CPA6: variants seen among roughly 807,000 people sequenced by gnomAD.
The protein encoded by CPA6 is carboxypeptidase B.
A neutral mutation model predicts 63.3 loss-of-function variants in CPA6; 58 were observed. The ratio of observed to expected loss-of-function variants is 0.92; its 90% CI spans 0.74 to 1.14. The LOEUF (loss-of-function observed/expected upper bound fraction) is 1.14. Ranked by LOEUF, CPA6 falls within the 50% of genes most tolerant of loss-of-function variation. The probability of loss-of-function intolerance (pLI) is 0.00; values close to 1 mark genes in which losing one functional copy is unlikely to be tolerated. For missense variants in CPA6, 565 were observed against 526.6 expected (o/e 1.07, Z -0.71); for synonymous variants, 185 against 179.0 (o/e 1.03, Z -0.27).
chr8:67,695,889 A>G (rs1052721299), intron 1 of CPA6, among the ~76,000 whole-genome samples: 2 of 152,118 alleles, frequency 1.3e-5, no homozygotes, highest in African/African-American at 4.8e-5. Context: ...CACTAGCAAA[A>G]TATTTGCTTC....
intron 8 of CPA6, among the ~76,000 whole-genome samples, chr8:67,462,663 C>T (rs1286409687): frequency 6.6e-6 from 1 of 152,138 alleles, no homozygotes; most frequent in Admixed American, 6.5e-5. Context: ...TTGTCTCTCT[C>T]TTTCTCTTTT....
intron 8 of CPA6, among the ~76,000 whole-genome samples, chr8:67,444,715 G>A (rs927305311): frequency 2.7e-5 from 4 of 150,810 alleles, no homozygotes; most frequent in Non-Finnish European, 5.9e-5. Flanking sequence ...CCCGGGAGAC[G>A]GAGGTTGCAG....
At chr8:67,557,345 C>G (rs1034782165) in intron 2 of CPA6, among the ~76,000 whole-genome samples, 1 of 152,032 alleles carries the variant, frequency 6.6e-6, no homozygotes, top group Non-Finnish European at 1.5e-5. Context: ...GCATGTTTAC[C>G]GAGAGTTAGG....
chr8:67,585,911 T>C (rs113718950), intron 2 of CPA6, among the ~76,000 whole-genome samples: 3 of 151,988 alleles, frequency 2.0e-5, no homozygotes, highest in African/African-American at 7.2e-5. Flanking sequence ...AGGCTATTAG[T>C]GGGAGTAGTG....
chr8:67,616,795 A>G (rs917114864), intron 2 of CPA6, among the ~76,000 whole-genome samples: 3 of 152,120 alleles, frequency 2.0e-5, no homozygotes, highest in African/African-American at 7.2e-5. Context: ...TGTGACTCCC[A>G]AGTAAATAAG....
intron 1 of CPA6, among the ~76,000 whole-genome samples, chr8:67,631,100 C>G (rs537630663): frequency 6.6e-6 from 1 of 152,334 alleles, no homozygotes; most frequent in African/African-American, 2.4e-5. Flanking sequence ...CTGAGGAGTG[C>G]GGCTGCATGG....
chr8:67,697,976 G>A lies in CPA6; in HGVS notation c.116+48038C>T, dbSNP rs1048968789. Among the ~76,000 whole-genome samples the A allele has an allele frequency of 5.9e-5, 9 of 152,178 alleles. No individual in the cohort carries two copies. The East Asian group carries it at 1.7e-3, about 29-fold the overall frequency. Reference sequence around the variant, plus strand: ...AAGTAAATGCTAAAAACTATAAAACGGAATCCTAAATGACTATATCAGAAG... The same window carrying A: ...AAGTAAATGCTAAAAACTATAAAACAGAATCCTAAATGACTATATCAGAAG... On this transcript the variant is annotated intron_variant, in intron 1 of 10. Coordinates refer to ENST00000297770, the MANE Select transcript of CPA6 (RefSeq NM_020361.5).
intron 3 of CPA6, among the ~76,000 whole-genome samples, chr8:67,515,422 T>C (rs573566513): frequency 2.2e-4 from 33 of 152,338 alleles, no homozygotes; most frequent in Non-Finnish European, 1.6e-4. Flanking sequence ...TTTCTCATAT[T>C]CTTGCCGCAT....
intron 8 of CPA6, among the ~76,000 whole-genome samples, chr8:67,437,602 A>T (rs1460743032): frequency 6.6e-6 from 1 of 152,220 alleles, no homozygotes; most frequent in Non-Finnish European, 1.5e-5. Flanking sequence ...TCTCAAGGGC[A>T]TGTAGGAGGG....
chr8:67,624,010 TAAAATAAAAC>T (rs1815140257), intron 2 of CPA6, among the ~76,000 whole-genome samples, 156 bp downstream of exon 2: 2 of 151,816 alleles, frequency 1.3e-5, no homozygotes, highest in Admixed American at 6.6e-5. Flanking sequence ...TAAAATAAAA[TAAAATAAAAC>T]AAAATAAAAT....
chr8:67,530,655 C>G lies in CPA6; in HGVS notation c.193-12608G>C, dbSNP rs139493979. 3.3e-5 allele frequency among the ~76,000 whole-genome samples: 5 copies of G among 152,282 alleles called. No homozygotes were observed. In the East Asian group the frequency reaches 9.7e-4, roughly 29 times the overall value. On this transcript the variant is annotated intron_variant, in intron 2 of 10. Transcript: ENST00000297770. The stretch of plus-strand genomic sequence containing the variant: ...AGCTGTAAGCATGTGAGGTGATACG[C>G]TGGCAGTCCTGGTTAAAAGTTGTAG...
chr8:67,558,895 T>A (rs987847851), intron 2 of CPA6, among the ~76,000 whole-genome samples: 1 of 152,170 alleles, frequency 6.6e-6, no homozygotes, highest in Non-Finnish European at 1.5e-5. Context: ...TACAATCTTG[T>A]CAAATAAGCA....
At chr8:67,669,209 C>G (rs970915937) in intron 1 of CPA6, among the ~76,000 whole-genome samples, 1 of 152,216 alleles carries the variant, frequency 6.6e-6, no homozygotes, top group Non-Finnish European at 1.5e-5. Context: ...TAATCTCAAA[C>G]TGACTACTCA....
chr8:67,739,846 T>G (rs760544646), intron 1 of CPA6, among the ~76,000 whole-genome samples: 2 of 152,130 alleles, frequency 1.3e-5, no homozygotes, highest in Non-Finnish European at 2.9e-5. Flanking sequence ...AATAAGCTCA[T>G]CAATATGAGA....
intron 2 of CPA6, among the ~76,000 whole-genome samples, chr8:67,562,754 A>G (rs1294661316): frequency 1.3e-5 from 2 of 152,190 alleles, no homozygotes; most frequent in Non-Finnish European, 2.9e-5. Context: ...CTGTCTCTCA[A>G]TCTGGAAAAA....
chr8:67,569,460 G>T (rs1338621185), intron 2 of CPA6: 6 of 266,150 alleles, frequency 2.3e-5, no homozygotes, highest in Admixed American at 4.1e-5. Flanking sequence ...CGGAGCATAA[G>T]TAGCCAGAGC....
intron 1 of CPA6, among the ~76,000 whole-genome samples, chr8:67,715,455 CAG>C (rs1479338475): frequency 6.6e-6 from 1 of 152,232 alleles, no homozygotes; most frequent in Non-Finnish European, 1.5e-5. Context: ...AGTTTTTTAA[CAG>C]ATCTTCCACT....
At chr8:67,516,933 A>G (rs1227372765) in intron 3 of CPA6, among the ~76,000 whole-genome samples, 1 of 151,960 alleles carries the variant, frequency 6.6e-6, no homozygotes, top group Non-Finnish European at 1.5e-5. Context: ...AGTAGCTAGG[A>G]TTACAGGCAC....
chr8:67,584,343 T>C (rs1242188175), intron 2 of CPA6, among the ~76,000 whole-genome samples: 1 of 152,140 alleles, frequency 6.6e-6, no homozygotes, highest in Non-Finnish European at 1.5e-5. Context: ...TCCTATTCTT[T>C]GGATGTCTTG....
Sources: allele counts gnomAD v4.1 joint callset (sites outside exome capture counted in the v4.1 genomes callset), GRCh38; gene constraint gnomAD v4.1.1; transcripts MANE v1.5; gene names NCBI Gene and HGNC (gene_info 2026-07-23, HGNC 2026-07-21).